ABCA13: variants seen among roughly 807,000 people sequenced by gnomAD.
The protein encoded by ABCA13 is ATP-binding cassette sub-family A member 13.
A neutral mutation model predicts 478.7 loss-of-function variants in ABCA13; 476 were observed. That is an observed-to-expected ratio of 0.99 (90% CI 0.92 to 1.07). The LOEUF is 1.07. Ranked by LOEUF, ABCA13 falls within the 50% of genes least tolerant of loss-of-function variation. The pLI is 0.00. For missense variants in ABCA13, 6,060 were observed against 5,910.6 expected, an observed-to-expected ratio of 1.03 and a Z score of -0.83; for synonymous variants, 2,252 against 2,158.9, an observed-to-expected ratio of 1.04 and a Z score of -1.20.
intron 48 of ABCA13, among the ~76,000 whole-genome samples, chr7:48,502,190 C>T (rs983410880): frequency 1.3e-5 from 2 of 152,142 alleles, no homozygotes; most frequent in Non-Finnish European, 2.9e-5. Flanking sequence ...TGGGGAATTA[C>T]TAACTACAGG....
At chr7:48,450,174 A>G (rs10262568) in intron 42 of ABCA13, among the ~76,000 whole-genome samples, 45,772 of 152,054 alleles carry the variant, frequency 0.3, 6,962 homozygotes, top group East Asian at 0.38. Flanking sequence ...CTTGAACTGG[A>G]TTTATTTATA....
intron 27 of ABCA13, among the ~76,000 whole-genome samples, chr7:48,319,504 G>T (rs1315930994): frequency 6.6e-6 from 1 of 152,168 alleles, no homozygotes; most frequent in Non-Finnish European, 1.5e-5. Flanking sequence ...TGCCTCTTGG[G>T]CTATGCGAAG....
chr7:48,633,082 T>C (rs1416553483), intron 59 of ABCA13, among the ~76,000 whole-genome samples: 2 of 152,146 alleles, frequency 1.3e-5, no homozygotes, highest in Non-Finnish European at 2.9e-5. Flanking sequence ...AAATTAATTG[T>C]CATCAACATT....
At chr7:48,245,082 C>T (rs927826505) in intron 11 of ABCA13, among the ~76,000 whole-genome samples, 6 of 152,158 alleles carry the variant, frequency 3.9e-5, no homozygotes, top group Admixed American at 2.0e-4. Flanking sequence ...CTTCTACTGC[C>T]TCCTCCCACC....
intron 58 of ABCA13, among the ~76,000 whole-genome samples, chr7:48,604,760 G>A (rs574141418): frequency 2.0e-4 from 30 of 152,310 alleles, no homozygotes; most frequent in African/African-American, 6.7e-4. Context: ...GTCCAGAGCT[G>A]AGTTCAAGTC....
At chr7:48,471,083 A>G (rs1827441690) in intron 44 of ABCA13, among the ~76,000 whole-genome samples, 2 of 152,240 alleles carry the variant, frequency 1.3e-5, no homozygotes, top group Admixed American at 6.5e-5. Context: ...CTGCAACAGA[A>G]AGTTTAACCA....
At chr7:48,301,909 T>C (rs1800207066) in intron 23 of ABCA13, among the ~76,000 whole-genome samples, 1 of 152,240 alleles carries the variant, frequency 6.6e-6, no homozygotes, top group South Asian at 2.1e-4. Flanking sequence ...AAATTCCAGC[T>C]ACTCTCCTTC....
chr7:48,596,330 T>C (rs2131447941), intron 58 of ABCA13, among the ~76,000 whole-genome samples: 1 of 152,382 alleles, frequency 6.6e-6, no homozygotes, highest in East Asian at 1.9e-4. Context: ...GACTAAACTT[T>C]ACACTGTTGT....
Position 48,524,522 on chromosome 7 carries a change from A to G in ABCA13, c.14244+82A>G, listed in dbSNP as rs376047204. 1.7e-4 allele frequency: 226 copies of G among 1,313,722 alleles called. 3 individuals carry two copies. In the East Asian group the frequency reaches 3.8e-3, roughly 22 times the overall value. 81.4% of individuals were successfully genotyped at this position (1,313,722 alleles called of 1,614,324 possible). A position where few individuals can be genotyped will look rare whatever the true frequency, so the allele number is the denominator to read the frequency against. On this transcript the variant is annotated intron_variant, in intron 54 of 61. Coordinates refer to ENST00000435803, the MANE Select transcript of ABCA13 (RefSeq NM_152701.5). The stretch of plus-strand genomic sequence containing the variant: ...GCTGATCTGCTTGTGTTAGTCTCAG[A>G]ATATTTGAAATCAGAGCCAAAAATA...
chr7:48,547,434 G>A (rs1005150777), intron 55 of ABCA13, among the ~76,000 whole-genome samples: 2 of 151,948 alleles, frequency 1.3e-5, no homozygotes, highest in African/African-American at 4.8e-5. Context: ...ATGGCAGAAT[G>A]TGCAAACTAG....
At chr7:48,407,485 AT>A (rs777453458) in intron 39 of ABCA13, among the ~76,000 whole-genome samples, 4 of 149,620 alleles carry the variant, frequency 2.7e-5, no homozygotes, top group Admixed American at 6.7e-5. Context: ...AAAAAAAAAA[AT>A]TTTCAGGGAA....
intron 51 of ABCA13, among the ~76,000 whole-genome samples, chr7:48,514,548 A>G (rs143307056): frequency 2.2e-4 from 33 of 152,308 alleles, no homozygotes; most frequent in Admixed American, 2.0e-3. Flanking sequence ...CTGCCCCAAA[A>G]TTTGGCTCAC....
intron 3 of ABCA13, among the ~76,000 whole-genome samples, chr7:48,206,338 A>G (rs773331502): frequency 6.6e-6 from 1 of 152,218 alleles, no homozygotes; most frequent in Non-Finnish European, 1.5e-5. Flanking sequence ...ACAACTGCCT[A>G]CAGTATTCAG....
At chr7:48,483,754 A>G (rs1829015719) in intron 47 of ABCA13, among the ~76,000 whole-genome samples, 2 of 152,244 alleles carry the variant, frequency 1.3e-5, no homozygotes, top group Non-Finnish European at 2.9e-5. Context: ...TGGTGAACCC[A>G]ACAGTGAGTT....
chr7:48,364,638 C>T (rs1168403247), intron 31 of ABCA13, among the ~76,000 whole-genome samples: 1 of 152,104 alleles, frequency 6.6e-6, no homozygotes, highest in Non-Finnish European at 1.5e-5. Flanking sequence ...ATTTTTAGCT[C>T]CCACGTATGA....
intron 31 of ABCA13, among the ~76,000 whole-genome samples, chr7:48,354,377 T>C (rs900519650): frequency 6.6e-6 from 1 of 152,004 alleles, no homozygotes; most frequent in Middle Eastern, 3.2e-3. Flanking sequence ...CAGCATACAC[T>C]CCTACAAATG....
chr7:48,560,102 G>A (rs1353329081), intron 55 of ABCA13, among the ~76,000 whole-genome samples: 1 of 152,094 alleles, frequency 6.6e-6, no homozygotes, highest in East Asian at 1.9e-4. Flanking sequence ...GGGAATTTTA[G>A]TCCTTGTGTT....
intron 55 of ABCA13, among the ~76,000 whole-genome samples, chr7:48,536,133 C>G (rs1833561973): frequency 6.6e-6 from 1 of 152,198 alleles, no homozygotes; most frequent in Non-Finnish European, 1.5e-5. Flanking sequence ...CAGGCTAGTC[C>G]TGCCTCCTTT....
rs772325983 is a variant in ABCA13 at position 48,387,827 on chromosome 7, T to C, written c.11341T>C (p.Phe3781Leu). The stretch of plus-strand genomic sequence containing the variant: ...TTAATTGTTTCATTTTTTAGGAACA[T>C]TTGGTTTACGGAAACCATGGTATTT... Reference protein sequence around the residue: ...WYLSNLIPGTFGLRKPWYFPF... With the variant: ...WYLSNLIPGTLGLRKPWYFPF... The change falls in exon 36 of 62, where the codon TTT becomes CTT. Residue 3781 changes from phenylalanine to leucine, a missense_variant. Transcript: ENST00000435803. 28 of 1,575,406 alleles carry C rather than the reference T, an allele frequency of 1.8e-5. No individual in the cohort carries two copies. Among genetic ancestry groups the C allele is most frequent in the South Asian group, 6.0e-5 (5 of 83,928 alleles).
Sources: gnomAD v4.1 joint callset for allele counts (sites outside exome capture counted in the v4.1 genomes callset) on GRCh38, gnomAD v4.1.1 for gene constraint, MANE v1.5 for transcripts, NCBI Gene and HGNC (gene_info 2026-07-23, HGNC 2026-07-21) for gene names.